The following MALRD1 variants were observed in gnomAD, a reference collection of about 807,000 sequenced individuals.
MALRD1 encodes MAM and LDL receptor class A domain containing 1.
A neutral mutation model predicts 242.1 loss-of-function variants in MALRD1; 247 were observed. The ratio of observed to expected loss-of-function variants is 1.02; its 90% CI spans 0.92 to 1.13. The LOEUF (loss-of-function observed/expected upper bound fraction) is 1.13, where lower values mean the gene tolerates loss of function less well. Ranked by LOEUF, MALRD1 falls within the 50% of genes most tolerant of loss-of-function variation. The pLI is 0.00. For missense variants in MALRD1, 2,989 were observed against 2,533.1 expected (o/e 1.18, Z -3.86); for synonymous variants, 995 against 866.6 (o/e 1.15, Z -2.60).
At chr10:19,141,171 A>G (rs1338159353) in intron 10 of MALRD1, among the ~76,000 whole-genome samples, 1 of 152,226 alleles carries the variant, frequency 6.6e-6, no homozygotes, top group Non-Finnish European at 1.5e-5. Context: ...AACATGTCCA[A>G]AGATACACGT....
rs548955209 is a variant in MALRD1 at position 19,175,234 on chromosome 10, G to A, written c.1857G>A (p.Ser619=). 33 of 1,229,486 alleles carry A rather than the reference G, an allele frequency of 2.7e-5. No individual in the cohort carries two copies. The highest frequency in any genetic ancestry group is 4.2e-5 in the Admixed American group (1 of 23,590). 76.2% of individuals were successfully genotyped at this position (1,229,486 alleles called of 1,614,324 possible). A position where few individuals can be genotyped will look rare whatever the true frequency, so the allele number is the denominator to read the frequency against. The change falls in exon 14 of 40, where the codon TCG becomes TCA. Residue 619 remains serine, a synonymous_variant. Transcript: ENST00000454679. ...FQLILEATVL[S]SNATVALDDI... is the part of the protein sequence containing the mutation. The stretch of plus-strand genomic sequence containing the variant: ...TAATTTTGGAAGCTACTGTTTTGTC[G>A]TCAAATGCTACCGTTGCTCTAGATG...
intron 19 of MALRD1, among the ~76,000 whole-genome samples, chr10:19,276,976 G>A (rs1196235748): frequency 6.6e-6 from 1 of 152,126 alleles, no homozygotes; most frequent in African/African-American, 2.4e-5. Context: ...CCAGAGTGCA[G>A]TGGTGTGATA....
chr10:19,495,162 A>C (rs1322231473), intron 30 of MALRD1, among the ~76,000 whole-genome samples: 1 of 152,074 alleles, frequency 6.6e-6, no homozygotes, highest in Non-Finnish European at 1.5e-5. Flanking sequence ...TTTTTAGTAG[A>C]GATGGGGTGT....
chr10:19,353,474 C>T (rs1844487070), intron 26 of MALRD1, among the ~76,000 whole-genome samples: 1 of 152,126 alleles, frequency 6.6e-6, no homozygotes, highest in African/African-American at 2.4e-5. Flanking sequence ...GCAGTGTTGC[C>T]ACTTCTGCCT....
intron 39 of MALRD1, 56 bp from the exon 40 acceptor site, chr10:19,734,101 T>A (rs1056200959): frequency 7.3e-7 from 1 of 1,373,476 alleles, no homozygotes. Context: ...CTTTAAAGAG[T>A]TTTCTTATCT....
At chr10:19,259,993 T>C (rs892770594) in intron 19 of MALRD1, among the ~76,000 whole-genome samples, 2 of 152,210 alleles carry the variant, frequency 1.3e-5, no homozygotes, top group African/African-American at 4.8e-5. Context: ...CTCCAATTCC[T>C]ACAACAGTAT....
At chr10:19,065,075 G>A (rs1742377037) in intron 1 of MALRD1, among the ~76,000 whole-genome samples, 1 of 151,900 alleles carries the variant, frequency 6.6e-6, no homozygotes, top group Admixed American at 6.6e-5. Flanking sequence ...ATCACCTGAG[G>A]TCAGGAGTTC....
intron 14 of MALRD1, among the ~76,000 whole-genome samples, chr10:19,177,282 A>G (rs1564445859): frequency 6.6e-6 from 1 of 151,736 alleles, no homozygotes; most frequent in Non-Finnish European, 1.5e-5. Context: ...TCCTCTCAAA[A>G]AAAAAAAAAA....
intron 4 of MALRD1, among the ~76,000 whole-genome samples, chr10:19,097,133 A>T (rs984567361): frequency 6.6e-6 from 1 of 152,186 alleles, no homozygotes. Context: ...AATTTTATTG[A>T]CCCTTCACAA....
rs191258328 is a variant in MALRD1, at chr10:19,565,306, G to A, written c.5479-2196G>A. Among the ~76,000 whole-genome samples the A allele has an allele frequency of 2.6e-3, 396 of 152,134 alleles. 1 individual carries two copies. Among genetic ancestry groups the A allele is most frequent in the Admixed American group, 4.1e-3 (62 of 15,286 alleles). On this transcript the variant is annotated intron_variant, in intron 32 of 39. Transcript: ENST00000454679. ...TGTAGGATTGAAGATTAAAAAGACT[G>A]AATGCAGAGAGAAAAATAAACTGTA...
intron 36 of MALRD1, among the ~76,000 whole-genome samples, chr10:19,686,884 G>T (rs1009067481): frequency 2.0e-5 from 3 of 152,100 alleles, no homozygotes; most frequent in Non-Finnish European, 2.9e-5. Flanking sequence ...AAATGCCGCA[G>T]TGTTACAGTC....
Position 19,257,774 on chromosome 10 carries a change from A to G in MALRD1, c.3079+3A>G. ...TATGGACTGCACCCTCTACCCTGGT[A>G]AGAGAGAACATTTCAATTTGGGGTT... is the stretch of plus-strand genomic sequence containing the variant. On this transcript the variant is annotated splice_donor_region_variant and intron_variant, in intron 19 of 39. Transcript: ENST00000454679. 2 of 1,492,870 alleles carry G rather than the reference A, an allele frequency of 1.3e-6. No homozygotes were observed. The highest frequency in any genetic ancestry group is 1.8e-6 in the Non-Finnish European group (2 of 1,114,818). 92.5% of individuals were successfully genotyped at this position (1,492,870 alleles called of 1,614,324 possible). A position where few individuals can be genotyped will look rare whatever the true frequency, so the allele number is the denominator to read the frequency against.
intron 19 of MALRD1, among the ~76,000 whole-genome samples, chr10:19,267,623 T>C (rs12256212): frequency 0.016 from 2,460 of 152,284 alleles, 83 homozygotes; most frequent in African/African-American, 0.056. Context: ...ACTTTTAAGA[T>C]ATCACCTGCA....
chr10:19,311,840 C>T (rs1588892310), intron 21 of MALRD1, among the ~76,000 whole-genome samples: 1 of 151,586 alleles, frequency 6.6e-6, no homozygotes, highest in East Asian at 1.9e-4. Context: ...CATCTCACTG[C>T]TAGCATTGCC....
intron 36 of MALRD1, among the ~76,000 whole-genome samples, chr10:19,655,530 GTATATATATATATATATATATATATATA>G (rs56752723): frequency 2.8e-5 from 3 of 108,824 alleles, no homozygotes; most frequent in Non-Finnish European, 3.9e-5. Context: ...ATGTGTGAGT[GTATATATATATATATATATATATATATA>G]TATATATATA....
intron 14 of MALRD1, among the ~76,000 whole-genome samples, chr10:19,178,064 G>A (rs554528895): frequency 6.6e-6 from 1 of 152,114 alleles, no homozygotes; most frequent in Non-Finnish European, 1.5e-5. Flanking sequence ...CAAAAGTGTG[G>A]TTAAAGGTTT....
intron 34 of MALRD1, among the ~76,000 whole-genome samples, chr10:19,602,154 CT>C (rs35031620): frequency 0.018 from 1,909 of 104,890 alleles, 18 homozygotes; most frequent in Non-Finnish European, 0.019. Context: ...TGCCAATTTT[CT>C]TTTTTTTTTT....
intron 28 of MALRD1, among the ~76,000 whole-genome samples, chr10:19,434,152 A>G (rs983793858): frequency 6.6e-6 from 1 of 152,198 alleles, no homozygotes; most frequent in African/African-American, 2.4e-5. Context: ...ATCTTCAAAG[A>G]AAAATGTCAG....
At chr10:19,692,016 CAA>C (rs997879337) in intron 36 of MALRD1, among the ~76,000 whole-genome samples, 3 of 151,960 alleles carry the variant, frequency 2.0e-5, no homozygotes, top group African/African-American at 7.2e-5. Context: ...TTTTTAAAAA[CAA>C]AGAACGATGT....
Sources: allele counts gnomAD v4.1 joint callset (sites outside exome capture counted in the v4.1 genomes callset), GRCh38; gene constraint gnomAD v4.1.1; transcripts MANE v1.5; gene names NCBI Gene and HGNC (gene_info 2026-07-23, HGNC 2026-07-21).